The following SCEL variants were observed in gnomAD, a reference collection of about 807,000 sequenced individuals.
The protein encoded by SCEL is sciellin.
SCEL carries 113 observed loss-of-function variants against 117.6 expected under a neutral mutation model. The observed-to-expected ratio is 0.96, with a 90% CI of 0.83 to 1.12. The LOEUF (loss-of-function observed/expected upper bound fraction) is 1.12. SCEL is among the 50% of genes most tolerant of loss of function. SCEL has a pLI of 0.00. For synonymous variants in SCEL, 270 were observed against 256.2 expected (o/e 1.05, Z -0.51); for missense variants, 785 against 810.8 (o/e 0.97, Z 0.39).
chr13:77,605,228 CAT>C (rs5804920), intron 19 of SCEL, among the ~76,000 whole-genome samples: 26,476 of 152,072 alleles, frequency 0.17, 2,593 homozygotes, highest in African/African-American at 0.25. Context: ...TTGATTCTAA[CAT>C]GTGTCATGGA....
At chr13:77,606,875 G>A (rs977987809) in intron 19 of SCEL, among the ~76,000 whole-genome samples, 4 of 152,028 alleles carry the variant, frequency 2.6e-5, no homozygotes, top group Admixed American at 6.6e-5. Context: ...TTCCCTATGT[G>A]GCATCCTCTG....
chr13:77,594,012 TC>T (rs2087072459), intron 12 of SCEL, among the ~76,000 whole-genome samples: 1 of 151,610 alleles, frequency 6.6e-6, no homozygotes, highest in Non-Finnish European at 1.5e-5. Flanking sequence ...TTCTTCCTTC[TC>T]CTTCCCCTTC....
intron 7 of SCEL, 135 bp downstream of exon 7, chr13:77,568,468 A>G (rs1054913326): frequency 1.8e-6 from 1 of 565,908 alleles, no homozygotes; most frequent in African/African-American, 2.0e-5. Context: ...GTAGAAGACA[A>G]TACCAAAATG....
chr13:77,548,925 G>T (rs955751714), intron 1 of SCEL, among the ~76,000 whole-genome samples: 2 of 152,152 alleles, frequency 1.3e-5, no homozygotes, highest in Non-Finnish European at 2.9e-5. Context: ...TAGTTCCATT[G>T]TGCATATATA....
chr13:77,614,187 G>A (rs752620197), intron 24 of SCEL, among the ~76,000 whole-genome samples: 1 of 152,152 alleles, frequency 6.6e-6, no homozygotes, highest in Admixed American at 6.6e-5. Context: ...TGAGCAGAGC[G>A]ATTGGACAAA....
chr13:77,543,963 C>G lies in SCEL; in HGVS notation c.-20+8139C>G, dbSNP rs1473502450. ...TTGAGACTCCTTCCAGAAAAGAAAT[C>G]TGCCTACATTTCGACCACTGCCCAC... On this transcript the variant is annotated intron_variant, in intron 1 of 32. Coordinates refer to ENST00000349847, the MANE Select transcript of SCEL (RefSeq NM_144777.3). Among the ~76,000 whole-genome samples, 4 of 152,190 alleles carry G rather than the reference C, an allele frequency of 2.6e-5. No homozygotes were observed. In the East Asian group the frequency reaches 7.7e-4, roughly 29 times the overall value.
chr13:77,606,115 T>C (rs913838486), intron 19 of SCEL, among the ~76,000 whole-genome samples: 2 of 152,260 alleles, frequency 1.3e-5, no homozygotes, highest in Non-Finnish European at 2.9e-5. Context: ...TGCATTCATG[T>C]GCATGTCTAC....
chr13:77,553,793 A>G (rs567762408), intron 1 of SCEL, among the ~76,000 whole-genome samples: 73 of 152,068 alleles, frequency 4.8e-4, no homozygotes, highest in African/African-American at 1.7e-3. Flanking sequence ...GACACTTTAC[A>G]TATGTTATCT....
intron 1 of SCEL, among the ~76,000 whole-genome samples, chr13:77,546,538 C>T (rs2083998486): frequency 6.6e-6 from 1 of 152,088 alleles, no homozygotes; most frequent in African/African-American, 2.4e-5. Context: ...ATCCTTCTTG[C>T]TAGGAACATT....
At chr13:77,625,250 A>G (rs1295302971) in intron 27 of SCEL, among the ~76,000 whole-genome samples, 1 of 152,220 alleles carries the variant, frequency 6.6e-6, no homozygotes, top group Non-Finnish European at 1.5e-5. Context: ...AGTATTACTT[A>G]AAACATTAAG....
chr13:77,616,859 G>A (rs1488968557), intron 24 of SCEL, among the ~76,000 whole-genome samples: 3 of 151,362 alleles, frequency 2.0e-5, no homozygotes, highest in African/African-American at 7.3e-5. Context: ...AGCAGGTTTT[G>A]TCAGTTCTGC....
At chr13:77,577,597 G>T (rs1287109578) in intron 9 of SCEL, among the ~76,000 whole-genome samples, 4 of 152,152 alleles carry the variant, frequency 2.6e-5, no homozygotes, top group African/African-American at 9.7e-5. Flanking sequence ...ACCAGGTTTT[G>T]ATCTGATTTC....
intron 4 of SCEL, among the ~76,000 whole-genome samples, chr13:77,560,265 T>TAA (rs5804913): frequency 0.011 from 1,434 of 133,132 alleles, 24 homozygotes; most frequent in African/African-American, 0.032. Flanking sequence ...ACCCTGCCTC[T>TAA]AAAAAAAAAA....
chr13:77,602,263 A>G, intron 16 of SCEL, 139 bp downstream of exon 16: 1 of 623,146 alleles, frequency 1.6e-6, no homozygotes. Context: ...AGTAGGCAAA[A>G]GGAATATGTT....
intron 1 of SCEL, among the ~76,000 whole-genome samples, chr13:77,545,697 A>G (rs1397748726): frequency 6.6e-6 from 1 of 152,222 alleles, no homozygotes; most frequent in African/African-American, 2.4e-5. Flanking sequence ...AGGGGGCATT[A>G]GGAGATGATT....
At chr13:77,603,318 T>G (rs2087854817) in intron 18 of SCEL, among the ~76,000 whole-genome samples, 183 bp downstream of exon 18, 1 of 152,238 alleles carries the variant, frequency 6.6e-6, no homozygotes, top group Admixed American at 6.5e-5. Flanking sequence ...ATTGTCTTAA[T>G]GTTTGATAGT....
intron 9 of SCEL, among the ~76,000 whole-genome samples, chr13:77,587,164 A>G (rs2086611400): frequency 6.6e-6 from 1 of 152,106 alleles, no homozygotes; most frequent in Admixed American, 6.6e-5. Flanking sequence ...CTGAGAAAAT[A>G]GAAGTAAACA....
intron 5 of SCEL, among the ~76,000 whole-genome samples, chr13:77,565,237 A>T (rs1158985287): frequency 6.6e-5 from 10 of 152,114 alleles, no homozygotes; most frequent in Non-Finnish European, 1.3e-4. Context: ...AATTAGTACC[A>T]CTGAGTGGGC....
intron 4 of SCEL, among the ~76,000 whole-genome samples, chr13:77,562,940 A>G (rs1443054377): frequency 6.6e-6 from 1 of 152,244 alleles, no homozygotes; most frequent in Non-Finnish European, 1.5e-5. Flanking sequence ...ACTTAGAAAT[A>G]CAAACACAAT....
Sources: allele counts gnomAD v4.1 joint callset (sites outside exome capture counted in the v4.1 genomes callset), GRCh38; gene constraint gnomAD v4.1.1; transcripts MANE v1.5; gene names NCBI Gene and HGNC (gene_info 2026-07-23, HGNC 2026-07-21).